The following NCOA7 variants were observed in gnomAD, a reference collection of about 807,000 sequenced individuals.
The protein encoded by NCOA7 is nuclear receptor coactivator 7.
A neutral mutation model predicts 104.3 loss-of-function variants in NCOA7; 45 were observed. That is an observed-to-expected ratio of 0.43 (90% CI 0.34 to 0.55). The LOEUF (loss-of-function observed/expected upper bound fraction) is 0.55, where lower values mean the gene tolerates loss of function less well. Ranked by LOEUF, NCOA7 falls within the 20% of genes least tolerant of loss-of-function variation. The pLI, the probability that NCOA7 is intolerant of heterozygous loss-of-function variation, is 0.02. For synonymous variants in NCOA7, 398 were observed against 402.3 expected (o/e 0.99, Z 0.13); for missense variants, 1,041 against 1,119.7 (o/e 0.93, Z 1.00).
chr6:125,893,343 C>G (rs1399917365), intron 10 of NCOA7, among the ~76,000 whole-genome samples: 3 of 152,190 alleles, frequency 2.0e-5, no homozygotes, highest in African/African-American at 7.2e-5. Context: ...GACTTATCCA[C>G]TATGTTAAAA....
intron 1 of NCOA7, chr6:125,798,251 A>G (rs958399320): frequency 5.3e-5 from 8 of 152,374 alleles, no homozygotes; most frequent in Non-Finnish European, 7.3e-5. Context: ...AAAGGTTAAA[A>G]GCAGGAATGC....
intron 8 of NCOA7, among the ~76,000 whole-genome samples, chr6:125,885,934 A>G (rs1178732009): frequency 6.6e-6 from 1 of 152,132 alleles, no homozygotes; most frequent in African/African-American, 2.4e-5. Context: ...TGCTGGATTT[A>G]TTGTAAAAAA....
At chr6:125,822,963 A>G (rs917000408) in intron 2 of NCOA7, among the ~76,000 whole-genome samples, 5 of 148,732 alleles carry the variant, frequency 3.4e-5, no homozygotes, top group Admixed American at 6.8e-5. Context: ...ACAAAAAAAA[A>G]CATGCTGTTA....
At chr6:125,849,041 C>T (rs1780877624) in intron 2 of NCOA7, among the ~76,000 whole-genome samples, 1 of 152,130 alleles carries the variant, frequency 6.6e-6, no homozygotes, top group African/African-American at 2.4e-5. Context: ...TTAATTTATT[C>T]AAGAAATATT....
intron 3 of NCOA7, among the ~76,000 whole-genome samples, chr6:125,866,243 C>T (rs1562940246): frequency 6.6e-6 from 1 of 151,854 alleles, no homozygotes; most frequent in Non-Finnish European, 1.5e-5. Context: ...GCAGGAGAAT[C>T]GCTTGAACCC....
intron 1 of NCOA7, chr6:125,798,097 A>G (rs543058544): frequency 5.6e-4 from 85 of 152,312 alleles, no homozygotes; most frequent in African/African-American, 2.0e-3. Flanking sequence ...GTAGGCTGGT[A>G]TACCTTCAAT....
chr6:125,837,062 G>T (rs1235742788), intron 2 of NCOA7, among the ~76,000 whole-genome samples: 1 of 152,170 alleles, frequency 6.6e-6, no homozygotes, highest in Non-Finnish European at 1.5e-5. Flanking sequence ...CTTTAAATTA[G>T]ATAAATGTTG....
chr6:125,860,779 T>C (rs988926460), intron 3 of NCOA7, among the ~76,000 whole-genome samples: 2 of 152,348 alleles, frequency 1.3e-5, no homozygotes, highest in East Asian at 3.9e-4. Flanking sequence ...GGGAAGTTCT[T>C]CATTTGAAAC....
chr6:125,914,978 T>C (rs887998299), intron 10 of NCOA7, among the ~76,000 whole-genome samples: 1 of 152,206 alleles, frequency 6.6e-6, no homozygotes, highest in Admixed American at 6.5e-5. Flanking sequence ...AAGCTTCAGA[T>C]CTACATTTTT....
chr6:125,895,553 G>A (rs888280556), intron 10 of NCOA7, among the ~76,000 whole-genome samples: 6 of 152,100 alleles, frequency 3.9e-5, no homozygotes, highest in Non-Finnish European at 5.9e-5. Flanking sequence ...CCATTCTTGG[G>A]TTGCTATAAA....
intron 1 of NCOA7, among the ~76,000 whole-genome samples, chr6:125,783,569 T>C (rs1043915211): frequency 2.6e-5 from 4 of 152,240 alleles, no homozygotes; most frequent in African/African-American, 9.7e-5. Flanking sequence ...CAATGTGTTA[T>C]ATTCTGTTGC....
chr6:125,820,822 C>G (rs1778112174), intron 2 of NCOA7, among the ~76,000 whole-genome samples: 1 of 152,148 alleles, frequency 6.6e-6, no homozygotes, highest in South Asian at 2.1e-4. Context: ...ATATCATTTC[C>G]CAAAGATACT....
chr6:125,884,593 A>G (rs1386540929), intron 7 of NCOA7, among the ~76,000 whole-genome samples: 2 of 152,238 alleles, frequency 1.3e-5, no homozygotes, highest in East Asian at 3.8e-4. Context: ...GTTCAGCTAT[A>G]TTCACTCTGG....
At position 125,929,267 on chromosome 6, in the gene NCOA7, A is replaced by G. The variant is rs963117394; in HGVS notation, c.*496A>G. ...TTTTTTTTTTTAAAAAAAAACTTTT[A>G]TTTATTATTTGTAGTATATTGTCTG... On this transcript the variant is annotated 3_prime_UTR_variant, in exon 16 of 16. Coordinates refer to ENST00000392477, the MANE Select transcript of NCOA7 (RefSeq NM_181782.5). 2.0e-5 allele frequency: 3 copies of G among 150,280 alleles called. No homozygotes were observed. The highest frequency in any genetic ancestry group is 4.4e-5 in the Non-Finnish European group (3 of 67,514). The allele number at this position is 150,280 out of a possible 1,614,324, so 9.3% of individuals were successfully genotyped here.
At chr6:125,835,716 G>T (rs1779558484) in intron 2 of NCOA7, among the ~76,000 whole-genome samples, 1 of 152,216 alleles carries the variant, frequency 6.6e-6, no homozygotes, top group Admixed American at 6.5e-5. Context: ...GAGACTCAGT[G>T]CTTTGATTGG....
chr6:125,833,717 A>G (rs912165382), intron 2 of NCOA7, among the ~76,000 whole-genome samples: 1 of 152,114 alleles, frequency 6.6e-6, no homozygotes, highest in African/African-American at 2.4e-5. Flanking sequence ...TGCCATTGCC[A>G]TCAGCACGTT....
intron 5 of NCOA7, 52 bp from the exon 6 acceptor site, chr6:125,881,038 A>G: frequency 9.1e-7 from 1 of 1,097,544 alleles, no homozygotes; most frequent in Non-Finnish European, 1.4e-6. Context: ...AACACTCACT[A>G]GTGGTTTGCC....
At chr6:125,786,238 C>T (rs1179292338), upstream of NCOA7, 1 of 152,210 alleles carries the variant, frequency 6.6e-6, no homozygotes, top group Non-Finnish European at 1.5e-5. Context: ...AGAGGTGTTT[C>T]TCTCTGCGCT....
chr6:125,794,273 TTGTGTGTGTG>T (rs144036780), intron 1 of NCOA7, among the ~76,000 whole-genome samples: 3 of 152,056 alleles, frequency 2.0e-5, no homozygotes, highest in African/African-American at 7.2e-5. Flanking sequence ...CCTGAACAAC[TTGTGTGTGTG>T]TGTTTGTGTG....
Sources: gnomAD v4.1 joint callset for allele counts (sites outside exome capture counted in the v4.1 genomes callset) on GRCh38, gnomAD v4.1.1 for gene constraint, MANE v1.5 for transcripts, NCBI Gene and HGNC (gene_info 2026-07-23, HGNC 2026-07-21) for gene names.